Variants in SGCZ observed in about 807,000 individuals in gnomAD.
SGCZ encodes the protein zeta-sarcoglycan.
Under a neutral mutation model 41.3 loss-of-function variants are expected in SGCZ, and 40 were observed. That is an observed-to-expected ratio of 0.97 (90% CI 0.75 to 1.26). SGCZ has a LOEUF of 1.26. SGCZ is among the 50% of genes most tolerant of loss of function. SGCZ has a pLI of 0.00. For missense variants in SGCZ, 552 were observed against 369.8 expected, an observed-to-expected ratio of 1.49 and a Z score of -4.04; for synonymous variants, 206 against 137.5, an observed-to-expected ratio of 1.50 and a Z score of -3.49.
intron 4 of SGCZ, among the ~76,000 whole-genome samples, chr8:14,195,483 G>A (rs1000687316): frequency 6.6e-6 from 1 of 151,972 alleles, no homozygotes; most frequent in Non-Finnish European, 1.5e-5. Flanking sequence ...TCAGAAGACA[G>A]AAAAAAATAA....
intron 1 of SGCZ, among the ~76,000 whole-genome samples, chr8:14,757,457 T>C (rs1188984715): frequency 1.3e-5 from 2 of 152,196 alleles, no homozygotes; most frequent in Non-Finnish European, 2.9e-5. Context: ...ATAGAACCAC[T>C]ACCGATGCCT....
intron 1 of SGCZ, among the ~76,000 whole-genome samples, chr8:14,918,522 G>A (rs1349500934): frequency 6.6e-6 from 1 of 152,002 alleles, no homozygotes; most frequent in East Asian, 1.9e-4. Flanking sequence ...CTAGAAAAGG[G>A]CAATACTCAT....
chr8:15,059,995 C>A (rs1030994669), intron 1 of SGCZ, among the ~76,000 whole-genome samples: 7 of 152,162 alleles, frequency 4.6e-5, no homozygotes, highest in Admixed American at 2.0e-4. Context: ...AGCATTCAAG[C>A]CCTGACATCT....
chr8:15,212,557 T>A (rs900196981), intron 1 of SGCZ, among the ~76,000 whole-genome samples: 4 of 152,160 alleles, frequency 2.6e-5, no homozygotes, highest in Non-Finnish European at 4.4e-5. Flanking sequence ...TCAGTATATA[T>A]TCTGTAGACT....
intron 3 of SGCZ, chr8:14,309,515 T>C: frequency 6.2e-7 from 1 of 1,609,436 alleles, no homozygotes; most frequent in South Asian, 1.1e-5. Flanking sequence ...GAGAGCAGTG[T>C]GGACTACTGA....
At chr8:14,240,206 T>A (rs1356112778) in intron 3 of SGCZ, among the ~76,000 whole-genome samples, 1 of 151,436 alleles carries the variant, frequency 6.6e-6, no homozygotes, top group Non-Finnish European at 1.5e-5. Flanking sequence ...TGGGCTCTTG[T>A]AATCCCAGCT....
chr8:14,252,563 G>A (rs1222638307), intron 3 of SGCZ, among the ~76,000 whole-genome samples: 1 of 152,118 alleles, frequency 6.6e-6, no homozygotes, highest in Non-Finnish European at 1.5e-5. Flanking sequence ...ATTAAAATGT[G>A]AGAAGCCTAA....
At chr8:14,095,901 G>C (rs1378230376) in intron 7 of SGCZ, among the ~76,000 whole-genome samples, 1 of 152,042 alleles carries the variant, frequency 6.6e-6, no homozygotes, top group Non-Finnish European at 1.5e-5. Flanking sequence ...TTGACTCCCT[G>C]TTTGTCTGTT....
chr8:14,755,900 C>T (rs151250676), intron 1 of SGCZ, among the ~76,000 whole-genome samples: 158 of 152,060 alleles, frequency 1.0e-3, no homozygotes, highest in African/African-American at 3.7e-3. Context: ...AAAAACTATA[C>T]ATTGAATGAA....
At chr8:14,739,980 G>C (rs1458810269) in intron 1 of SGCZ, among the ~76,000 whole-genome samples, 1 of 151,954 alleles carries the variant, frequency 6.6e-6, no homozygotes, top group Non-Finnish European at 1.5e-5. Flanking sequence ...GGTCTCCCTA[G>C]CTCCTTTTGC....
intron 4 of SGCZ, among the ~76,000 whole-genome samples, chr8:14,215,035 G>C (rs1805947371): frequency 6.6e-6 from 1 of 152,188 alleles, no homozygotes; most frequent in East Asian, 1.9e-4. Context: ...CGCACATATA[G>C]AGCACTTCAC....
chr8:15,140,853 C>A (rs1585605604), intron 1 of SGCZ, among the ~76,000 whole-genome samples: 1 of 152,166 alleles, frequency 6.6e-6, no homozygotes, highest in Non-Finnish European at 1.5e-5. Context: ...GTATTGAACA[C>A]TAAGCATAAA....
At chr8:14,862,415 G>C (rs190654967) in intron 1 of SGCZ, among the ~76,000 whole-genome samples, 2 of 151,704 alleles carry the variant, frequency 1.3e-5, no homozygotes, top group Non-Finnish European at 2.9e-5. Flanking sequence ...TATGCGTTTA[G>C]TCACCATATG....
chr8:14,211,345 C>T (rs1004119430), intron 4 of SGCZ, among the ~76,000 whole-genome samples: 4 of 152,052 alleles, frequency 2.6e-5, no homozygotes, highest in Non-Finnish European at 4.4e-5. Flanking sequence ...TTCAGGTTGC[C>T]GCAGCACCCA....
At chr8:14,194,580 A>T (rs1456323626) in intron 4 of SGCZ, among the ~76,000 whole-genome samples, 1 of 151,994 alleles carries the variant, frequency 6.6e-6, no homozygotes, top group African/African-American at 2.4e-5. Flanking sequence ...GAATAATAAC[A>T]TAATAATAAA....
intron 1 of SGCZ, among the ~76,000 whole-genome samples, chr8:15,140,191 A>G (rs1454793231): frequency 1.3e-5 from 2 of 151,806 alleles, no homozygotes; most frequent in Non-Finnish European, 2.9e-5. Flanking sequence ...TGGTTGGCTA[A>G]TTTTTTACTT....
At chr8:14,469,575 C>T (rs1310141917) in intron 2 of SGCZ, among the ~76,000 whole-genome samples, 1 of 152,066 alleles carries the variant, frequency 6.6e-6, no homozygotes, top group Admixed American at 6.6e-5. Flanking sequence ...GAAGTGGTGT[C>T]TCTTTGTACG....
chr8:14,160,842 C>G (rs937747761), intron 5 of SGCZ, among the ~76,000 whole-genome samples: 8 of 152,158 alleles, frequency 5.3e-5, no homozygotes, highest in African/African-American at 1.9e-4. Flanking sequence ...ATAGTCATAA[C>G]TGACTTTGCC....
In SGCZ at chr8:14,927,102, C is replaced by CTTTTT. The variant is rs71209091; in HGVS notation, c.39+310478_39+310482dup. On this transcript the variant is annotated intron_variant, in intron 1 of 7. Transcript: ENST00000382080. The stretch of plus-strand genomic sequence containing the variant: ...TATCAAAGTATCAAAGTTCCTGATT[C>CTTTTT]TTTTTTTTTTTTTTTTTTTTTTGTG... Among the ~76,000 whole-genome samples the CTTTTT allele has an allele frequency of 8.2e-4, 68 of 82,684 alleles. 1 individual carries two copies. The highest frequency in any genetic ancestry group is 1.4e-3 in the East Asian group (4 of 2,896). The allele number at this position is 82,684 out of a possible 152,430, so 54.2% of individuals were successfully genotyped here.
Sources: allele counts gnomAD v4.1 joint callset (sites outside exome capture counted in the v4.1 genomes callset), GRCh38; gene constraint gnomAD v4.1.1; transcripts MANE v1.5; gene names NCBI Gene and HGNC (gene_info 2026-07-23, HGNC 2026-07-21).